ABCB5: variants seen among roughly 807,000 people sequenced by gnomAD.
The protein encoded by ABCB5 is ATP-binding cassette sub-family B member 5.
ABCB5 carries 155 observed loss-of-function variants against 144.2 expected under a neutral mutation model. The ratio of observed to expected loss-of-function variants is 1.08; its 90% confidence interval spans 0.94 to 1.23. ABCB5 has a LOEUF of 1.23. Ranked by LOEUF, ABCB5 falls within the 50% of genes most tolerant of loss-of-function variation. The pLI, the probability that ABCB5 is intolerant of heterozygous loss-of-function variation, is 0.00. For missense variants in ABCB5, 1,830 were observed against 1,520.8 expected, an observed-to-expected ratio of 1.20 and a Z score of -3.38; for synonymous variants, 610 against 528.6, an observed-to-expected ratio of 1.15 and a Z score of -2.11.
intron 1 of ABCB5, among the ~76,000 whole-genome samples, chr7:20,618,854 AACCTCC>A (rs1251453033): frequency 7.9e-6 from 1 of 127,174 alleles, no homozygotes; most frequent in African/African-American, 2.9e-5. Flanking sequence ...AGCTCACTGC[AACCTCC>A]ACCTCCCGGG....
chr7:20,740,958 T>G (rs907753038), intron 24 of ABCB5, among the ~76,000 whole-genome samples: 2 of 151,630 alleles, frequency 1.3e-5, no homozygotes, highest in Non-Finnish European at 2.9e-5. Context: ...AACACAAAAA[T>G]TAGGGTGTGG....
intron 16 of ABCB5, among the ~76,000 whole-genome samples, chr7:20,690,308 T>A (rs12700229): frequency 6.6e-6 from 1 of 152,034 alleles, no homozygotes; most frequent in African/African-American, 2.4e-5. Flanking sequence ...TCATCATTAT[T>A]ATATCTTATG....
At chr7:20,741,012 A>T (rs1175209640) in intron 24 of ABCB5, among the ~76,000 whole-genome samples, 2 of 151,142 alleles carry the variant, frequency 1.3e-5, no homozygotes, top group Non-Finnish European at 2.9e-5. Flanking sequence ...CCGAGGCAGG[A>T]GGATCGCTTG....
chr7:20,724,225 G>A (rs1050340206), intron 21 of ABCB5, among the ~76,000 whole-genome samples: 1 of 150,976 alleles, frequency 6.6e-6, no homozygotes, highest in Admixed American at 6.6e-5. Context: ...TTTATTGGTG[G>A]ACTTCTATCT....
At chr7:20,689,757 G>C (rs73263618) in intron 16 of ABCB5, among the ~76,000 whole-genome samples, 1 of 152,048 alleles carries the variant, frequency 6.6e-6, no homozygotes, top group Non-Finnish European at 1.5e-5. Flanking sequence ...ATGTCTTTGC[G>C]GCACCCTCTA....
intron 4 of ABCB5, among the ~76,000 whole-genome samples, chr7:20,630,278 T>A (rs1471488669): frequency 6.6e-6 from 1 of 152,166 alleles, no homozygotes. Flanking sequence ...TGTCTTTTCA[T>A]CAACATTAGC....
In ABCB5 at chr7:20,739,068, G is replaced by A. The variant is rs373455075; in HGVS notation, c.2953G>A (p.Ala985Thr). ...TGAATATTCCAAAGCCAAATCGGGG[G>A]CTGCGCATCTGTTTGCCTTGTTGGA... ...APEYSKAKSG[A>T]AHLFALLEKK... The change falls in exon 24 of 28, where the codon GCT becomes ACT. Residue 985 changes from alanine (A) to threonine (T), a missense_variant. Physicochemically the swap from Ala to Thr is moderately conservative, Grantham distance 58. Transcript: ENST00000404938. 30 of 1,612,118 alleles carry A rather than the reference G, an allele frequency of 1.9e-5. No individual in the cohort carries two copies. In the South Asian group the frequency reaches 2.0e-4, roughly 11 times the overall value.
At chr7:20,680,994 CTTTCTTTCTT>C (rs1562558783) in intron 14 of ABCB5, among the ~76,000 whole-genome samples, 3 of 15,980 alleles carry the variant, frequency 1.9e-4, no homozygotes, top group East Asian at 5.3e-3. Flanking sequence ...TTCTTTCTTT[CTTTCTTTCTT>C]TCTTTCTTTC....
chr7:20,667,310 G>C (rs1157740181), intron 14 of ABCB5: 3 of 984,626 alleles, frequency 3.0e-6, no homozygotes, highest in Non-Finnish European at 2.4e-6. Flanking sequence ...TATGAGAAGA[G>C]ATATATATTA....
At chr7:20,680,536 C>T (rs1215897311) in intron 14 of ABCB5, among the ~76,000 whole-genome samples, 4 of 150,460 alleles carry the variant, frequency 2.7e-5, no homozygotes, top group African/African-American at 4.9e-5. Context: ...CGCCACTGCA[C>T]TCCAGCCTGG....
chr7:20,727,541 C>G (rs1409782958), intron 22 of ABCB5, among the ~76,000 whole-genome samples: 1 of 152,126 alleles, frequency 6.6e-6, no homozygotes, highest in African/African-American at 2.4e-5. Flanking sequence ...TAGAGACCAG[C>G]CTGGACAACA....
intron 15 of ABCB5, among the ~76,000 whole-genome samples, chr7:20,682,020 C>A (rs1785848335): frequency 6.6e-6 from 1 of 152,112 alleles, no homozygotes; most frequent in Non-Finnish European, 1.5e-5. Context: ...TGCTGGCCAA[C>A]ATGGTGAAAC....
chr7:20,726,684 G>T (rs1186201047), intron 21 of ABCB5, among the ~76,000 whole-genome samples: 1 of 151,910 alleles, frequency 6.6e-6, no homozygotes, highest in Non-Finnish European at 1.5e-5. Context: ...TCTTTTACTT[G>T]AATTGTTTCA....
intron 7 of ABCB5, among the ~76,000 whole-genome samples, chr7:20,644,007 C>G (rs908528721): frequency 4.6e-5 from 7 of 152,096 alleles, no homozygotes; most frequent in African/African-American, 1.7e-4. Context: ...ATTCATTTCA[C>G]TGGGTAGAAT....
At chr7:20,721,195 G>C (rs1022478939) in intron 20 of ABCB5, among the ~76,000 whole-genome samples, 1 of 152,182 alleles carries the variant, frequency 6.6e-6, no homozygotes, top group Non-Finnish European at 1.5e-5. Context: ...TCATCTCTAA[G>C]TATGCAGGGA....
At chr7:20,681,028 T>TC (rs1785789048) in intron 14 of ABCB5, among the ~76,000 whole-genome samples, 1 of 22,642 alleles carries the variant, frequency 4.4e-5, no homozygotes, top group African/African-American at 2.1e-4. Context: ...CTTTCTTTCT[T>TC]TCTTTCTCTT....
At chr7:20,704,854 A>G in intron 20 of ABCB5, 47 bp downstream of exon 20, 1 of 1,462,354 alleles carries the variant, frequency 6.8e-7, no homozygotes, top group Non-Finnish European at 9.5e-7. Flanking sequence ...TGTGGTGTGC[A>G]CACATGCAAT....
intron 11 of ABCB5, 121 bp from the exon 12 acceptor site, chr7:20,649,901 A>G: frequency 7.5e-6 from 8 of 1,073,302 alleles, no homozygotes; most frequent in Non-Finnish European, 1.0e-5. Context: ...AAACATAACA[A>G]GATCTAAATT....
intron 14 of ABCB5, among the ~76,000 whole-genome samples, chr7:20,672,355 G>T (rs1027794540): frequency 6.6e-6 from 1 of 151,298 alleles, no homozygotes. Context: ...ACAAATCAAG[G>T]TTTTGGTGTC....
Sources: gnomAD v4.1 joint callset for allele counts (sites outside exome capture counted in the v4.1 genomes callset) on GRCh38, gnomAD v4.1.1 for gene constraint, MANE v1.5 for transcripts, NCBI Gene and HGNC (gene_info 2026-07-23, HGNC 2026-07-21) for gene names.